RBM41: variants seen among roughly 807,000 people sequenced by gnomAD.
RBM41 encodes the protein RNA binding motif protein 41, also known as RNA-binding protein 41.
Under a neutral mutation model 30.8 loss-of-function variants are expected in RBM41, and 14 were observed. The ratio of observed to expected loss-of-function variants is 0.45; its 90% CI spans 0.30 to 0.71. The LOEUF (loss-of-function observed/expected upper bound fraction) is 0.71. Ranked by LOEUF, RBM41 falls within the 30% of genes least tolerant of loss-of-function variation. The probability of loss-of-function intolerance (pLI) is 0.08; values close to 1 mark genes in which losing one functional copy is unlikely to be tolerated. For synonymous variants in RBM41, 120 were observed against 110.1 expected, an observed-to-expected ratio of 1.09 and a Z score of -0.56; for missense variants, 276 against 326.3, an observed-to-expected ratio of 0.85 and a Z score of 1.19.
At chrX:107,097,207 T>C (rs1447074373) in intron 5 of RBM41, among the ~76,000 whole-genome samples, 1 of 112,327 alleles carries the variant, frequency 8.9e-6, no homozygotes, top group East Asian at 2.8e-4. Flanking sequence ...GAAATTCTAC[T>C]CATTCAAGAG....
intron 6 of RBM41, among the ~76,000 whole-genome samples, chrX:107,085,112 T>C (rs752002720): frequency 2.5e-4 from 28 of 111,582 alleles, no homozygotes; most frequent in Non-Finnish European, 4.1e-4. Context: ...CTAGGATAGA[T>C]AATGAAGAGT....
At chrX:107,114,552 A>G (rs1257345799) in intron 4 of RBM41, 1 of 111,635 alleles carries the variant, frequency 9.0e-6, no homozygotes, top group East Asian at 2.8e-4. Context: ...TCTCTTTTCT[A>G]AAGAATAGGT....
intron 5 of RBM41, among the ~76,000 whole-genome samples, chrX:107,103,053 T>C (rs749820656): frequency 9.9e-5 from 11 of 110,569 alleles, no homozygotes; most frequent in Non-Finnish European, 2.1e-4. Flanking sequence ...ACTTAGGACT[T>C]TTTGAGTTGG....
At chrX:107,084,689 T>A (rs952041581) in intron 6 of RBM41, among the ~76,000 whole-genome samples, 4 of 111,506 alleles carry the variant, frequency 3.6e-5, no homozygotes, top group African/African-American at 9.8e-5. Context: ...ATGGCTCCAG[T>A]GCGTTTTGCT....
At chrX:107,098,133 T>G (rs1923139853) in intron 5 of RBM41, among the ~76,000 whole-genome samples, 1 of 111,500 alleles carries the variant, frequency 9.0e-6, no homozygotes, top group Admixed American at 9.5e-5. Context: ...AAACAGAAAA[T>G]GTACTGAAAG....
chrX:107,096,186 C>A (rs1927882079), intron 5 of RBM41, among the ~76,000 whole-genome samples: 1 of 112,104 alleles, frequency 8.9e-6, no homozygotes, highest in Admixed American at 9.4e-5. Context: ...GATCAGTTTT[C>A]TCCAAATTGA....
rs1045671261 is a variant in RBM41, at chrX:107,079,680, T to C, written c.999+8756A>G. Among the ~76,000 whole-genome samples, 7 of 112,028 alleles carry C rather than the reference T, an allele frequency of 6.2e-5. No individual in the cohort carries two copies. In the Admixed American group the frequency reaches 6.6e-4, roughly 11 times the overall value. ...ATTAAGTGTCACTCTTTGTGCTATG[T>C]AGTTTAATGGTTTTTGACAAATGCA... is the stretch of plus-strand genomic sequence containing the variant. On this transcript the variant is annotated intron_variant, in intron 6 of 7. Transcript: ENST00000685964.
In RBM41 at chrX:107,066,648, C is replaced by A. The variant is rs1935850354; in HGVS notation, c.*879G>T. 5.7e-6 allele frequency: 4 copies of A among 695,745 alleles called. No individual in the cohort carries two copies. Among genetic ancestry groups the A allele is most frequent in the Non-Finnish European group, 6.8e-6 (4 of 588,035 alleles). The allele number at this position is 695,745 out of a possible 1,213,427, so 57.3% of individuals were successfully genotyped here. On this transcript the variant is annotated 3_prime_UTR_variant, in exon 8 of 8. Coordinates refer to ENST00000685964, the MANE Select transcript of RBM41 (RefSeq NM_001324242.2). ...GTTAAGTGTGGCTGTACAGGTCTGA[C>A]TCCAGTTTGTACTACTTCCTCTCTG...
chrX:107,052,603 C>A, the RBM41 span, among the ~76,000 whole-genome samples: 4 of 111,507 alleles, frequency 3.6e-5, no homozygotes, highest in Non-Finnish European at 7.5e-5. Flanking sequence ...GGAACAAGGG[C>A]TAGCAGGCTG....
intron 6 of RBM41, among the ~76,000 whole-genome samples, chrX:107,072,584 G>A (rs1369975337): frequency 5.4e-5 from 6 of 110,714 alleles, no homozygotes; most frequent in African/African-American, 1.6e-4. Flanking sequence ...GCAACCTACA[G>A]AATTAATGCA....
chrX:107,056,029 G>A, the RBM41 span, among the ~76,000 whole-genome samples: 1 of 112,097 alleles, frequency 8.9e-6, no homozygotes, highest in African/African-American at 3.2e-5. Flanking sequence ...TTAGCTGTGG[G>A]CTTTTCATAA....
At chrX:107,092,280 C>A (rs1388091765) in intron 5 of RBM41, among the ~76,000 whole-genome samples, 20 of 104,701 alleles carry the variant, frequency 1.9e-4, no homozygotes, top group African/African-American at 3.9e-4. Flanking sequence ...AAAAAAAAAA[C>A]CCCACAGGAT....
chrX:107,115,217 G>A (rs1924794870), intron 4 of RBM41, 135 bp downstream of exon 4: 1 of 622,782 alleles, frequency 1.6e-6, no homozygotes, highest in Non-Finnish European at 2.5e-6. Context: ...CTCTCTTATG[G>A]TATTATACAT....
rs866971697 is a variant in RBM41 at position 107,113,244 on chromosome X, C to T, written c.595+153G>A. On this transcript the variant is annotated intron_variant, in intron 5 of 7. Transcript: ENST00000685964. ...AAAGCTTTACAACTTCTACTAACTC[C>T]TCTCTTTAATATTCTGTATCAGGAT... 180 of 656,292 alleles carry T rather than the reference C, an allele frequency of 2.7e-4. No individual in the cohort carries two copies. The African/African-American group carries it at 3.8e-3, about 14-fold the overall frequency. The allele number at this position is 656,292 out of a possible 1,213,427, so 54.1% of individuals were successfully genotyped here.
intron 4 of RBM41, 82 bp from the exon 5 acceptor site, chrX:107,113,550 A>T (rs1048199925): frequency 1.0e-6 from 1 of 963,840 alleles, no homozygotes; most frequent in South Asian, 2.1e-5. Context: ...CCCAAATACC[A>T]GGTACTGCTT....
chrX:107,082,711 G>C (rs1921644656), intron 6 of RBM41, among the ~76,000 whole-genome samples: 1 of 110,430 alleles, frequency 9.1e-6, no homozygotes, highest in African/African-American at 3.3e-5. Flanking sequence ...AATTGCCTTA[G>C]AGTTTGCAAT....
intron 6 of RBM41, chrX:107,070,177 C>T (rs1569325086): frequency 3.1e-6 from 1 of 319,658 alleles, no homozygotes; most frequent in East Asian, 9.8e-5. Context: ...TAAATACCCT[C>T]CCTCACAATA....
rs946332415 is a variant in RBM41, at chrX:107,063,024, C to T, written c.*4503G>A. ...CCCATTTTCCTATTGATGGACACCC[C>T]TACTTTTGTGAGTTTTATTGAGATA... On this transcript the variant is annotated 3_prime_UTR_variant, in exon 8 of 8. Transcript: ENST00000685964. Among the ~76,000 whole-genome samples the T allele has an allele frequency of 9.0e-6, 1 of 111,477 alleles. No individual in the cohort carries two copies. The highest frequency in any genetic ancestry group is 1.9e-5 in the Non-Finnish European group (1 of 53,108).
Position 107,115,529 on chromosome X carries a change from C to G in RBM41, c.346G>C (p.Ala116Pro). The G allele has an allele frequency of 8.3e-7, 1 of 1,210,076 alleles. No homozygotes were observed. The highest frequency in any genetic ancestry group is 1.1e-6 in the Non-Finnish European group (1 of 894,137). Residue 116 changes from alanine to proline, a missense_variant, in exon 4 of 8, where the codon GCA becomes CCA. Ala to Pro is a conservative substitution (Grantham distance 27, BLOSUM62 -1). Coordinates refer to ENST00000685964, the MANE Select transcript of RBM41 (RefSeq NM_001324242.2). ...ATATCTTGAAGACGGTTCTGTATTG[C>G]TTCAGGAGTTGCCCTCAGTTTTGTC... is the stretch of plus-strand genomic sequence containing the variant. Reference protein sequence around the residue: ...KKTKLRATPEAIQNRLQDIEE... With the variant: ...KKTKLRATPEPIQNRLQDIEE...
Sources: allele counts gnomAD v4.1 joint callset (sites outside exome capture counted in the v4.1 genomes callset), GRCh38; gene constraint gnomAD v4.1.1; transcripts MANE v1.5; gene names NCBI Gene and HGNC (gene_info 2026-07-23, HGNC 2026-07-21).